EHBP1: variants seen among roughly 807,000 people sequenced by gnomAD.
The protein encoded by EHBP1 is EH domain binding protein 1, also known as EH domain-binding protein 1.
A neutral mutation model predicts 144.0 loss-of-function variants in EHBP1; 55 were observed. The observed-to-expected ratio is 0.38, with a 90% CI of 0.31 to 0.48. The LOEUF (loss-of-function observed/expected upper bound fraction) is 0.48. Ranked by LOEUF, EHBP1 falls within the 20% of genes least tolerant of loss-of-function variation. EHBP1 has a pLI of 0.98. For synonymous variants in EHBP1, 469 were observed against 472.7 expected (o/e 0.99, Z 0.10); for missense variants, 1,200 against 1,364.2 (o/e 0.88, Z 1.90).
chr2:62,804,018 T>TA (rs1328948798), intron 5 of EHBP1, among the ~76,000 whole-genome samples: 1 of 151,596 alleles, frequency 6.6e-6, no homozygotes, highest in African/African-American at 2.4e-5. Context: ...GTAAAAGACT[T>TA]AGACTACTGC....
At chr2:62,809,192 G>A (rs2044749573) in intron 5 of EHBP1, among the ~76,000 whole-genome samples, 3 of 151,128 alleles carry the variant, frequency 2.0e-5, no homozygotes, top group Non-Finnish European at 4.4e-5. Flanking sequence ...TTGGGAGGCT[G>A]AGGCAGGAGA....
intron 18 of EHBP1, among the ~76,000 whole-genome samples, chr2:62,994,487 A>G (rs1036134701): frequency 9.9e-5 from 15 of 152,122 alleles, no homozygotes; most frequent in Admixed American, 4.6e-4. Flanking sequence ...GGTTCAGCTC[A>G]GTAGGGGTAT....
intron 18 of EHBP1, 23 bp downstream of exon 18, chr2:62,994,000 T>C: frequency 6.8e-7 from 1 of 1,478,442 alleles, no homozygotes; most frequent in Non-Finnish European, 9.2e-7. Context: ...TTTGTGTGGT[T>C]TCATGATTGC....
chr2:63,031,611 C>T (rs1305666459), intron 19 of EHBP1, among the ~76,000 whole-genome samples: 1 of 152,032 alleles, frequency 6.6e-6, no homozygotes, highest in Non-Finnish European at 1.5e-5. Flanking sequence ...GATGCATCAT[C>T]ATCCATATGT....
chr2:62,976,433 A>T (rs1210387489), intron 14 of EHBP1, among the ~76,000 whole-genome samples: 3 of 152,156 alleles, frequency 2.0e-5, no homozygotes, highest in Non-Finnish European at 2.9e-5. Flanking sequence ...AGACTATTTA[A>T]TGTGGTTTAA....
At position 62,892,943 on chromosome 2, in the gene EHBP1, A is replaced by G. The variant is rs949497495; in HGVS notation, c.1185+18411A>G. Among the ~76,000 whole-genome samples, 17 of 152,288 alleles carry G rather than the reference A, an allele frequency of 1.1e-4. 1 individual carries two copies. The East Asian group carries it at 2.3e-3, about 21-fold the overall frequency. On this transcript the variant is annotated intron_variant, in intron 10 of 22. Coordinates refer to ENST00000431489, the MANE Select transcript of EHBP1 (RefSeq NM_001142616.3). The stretch of plus-strand genomic sequence containing the variant: ...ATTCCTTTTAATTTCAAAAATATGA[A>G]CTCAAACATATGTGTACTTCATTAT...
chr2:62,865,357 G>C (rs115314848), intron 9 of EHBP1, among the ~76,000 whole-genome samples: 2,184 of 152,216 alleles, frequency 0.014, 58 homozygotes, highest in African/African-American at 0.05. Flanking sequence ...ATCATTTGTG[G>C]TATTGATTTG....
At chr2:62,713,349 C>T (rs2035343670) in intron 2 of EHBP1, among the ~76,000 whole-genome samples, 1 of 150,492 alleles carries the variant, frequency 6.6e-6, no homozygotes, top group South Asian at 2.1e-4. Flanking sequence ...TCAAGTGATT[C>T]TCATGCCTCA....
intron 10 of EHBP1, among the ~76,000 whole-genome samples, chr2:62,926,586 A>G (rs1281552507): frequency 6.6e-6 from 1 of 152,174 alleles, no homozygotes; most frequent in Non-Finnish European, 1.5e-5. Flanking sequence ...TACATGTCCA[A>G]CATTACTAAT....
chr2:62,680,366 T>G (rs1209984041), intron 1 of EHBP1, among the ~76,000 whole-genome samples: 7 of 152,218 alleles, frequency 4.6e-5, no homozygotes, highest in Non-Finnish European at 5.9e-5. Flanking sequence ...AAGGAGAAAG[T>G]GAGTAGGAGT....
chr2:63,006,639 A>G (rs915381330), intron 19 of EHBP1, among the ~76,000 whole-genome samples: 1 of 151,892 alleles, frequency 6.6e-6, no homozygotes, highest in African/African-American at 2.4e-5. Context: ...TAAATTTTCC[A>G]TTTTCATTCA....
At chr2:63,021,784 T>C (rs558916066) in intron 19 of EHBP1, among the ~76,000 whole-genome samples, 2 of 151,744 alleles carry the variant, frequency 1.3e-5, no homozygotes, top group Non-Finnish European at 2.9e-5. Context: ...TTTTTTTTTT[T>C]AAAACGGAGT....
chr2:62,721,264 G>T (rs1415990087), intron 2 of EHBP1, among the ~76,000 whole-genome samples: 1 of 152,074 alleles, frequency 6.6e-6, no homozygotes, highest in Non-Finnish European at 1.5e-5. Flanking sequence ...TTAGACTGAG[G>T]TGATGGAATT....
At chr2:63,011,023 T>C (rs1338477230) in intron 19 of EHBP1, among the ~76,000 whole-genome samples, 1 of 151,468 alleles carries the variant, frequency 6.6e-6, no homozygotes, top group East Asian at 1.9e-4. Flanking sequence ...TAAATGAAAG[T>C]TTCTCTAAAT....
intron 5 of EHBP1, among the ~76,000 whole-genome samples, chr2:62,787,573 C>T (rs1487745854): frequency 6.6e-6 from 1 of 152,134 alleles, no homozygotes; most frequent in Admixed American, 6.5e-5. Context: ...TAGCACAGTG[C>T]AGCATAGTAG....
intron 2 of EHBP1, among the ~76,000 whole-genome samples, 188 bp downstream of exon 2, chr2:62,707,483 T>TA (rs146382652): frequency 0.031 from 4,692 of 152,306 alleles, 96 homozygotes; most frequent in Non-Finnish European, 0.048. Flanking sequence ...CCCTGTGGAT[T>TA]TTAATTACTG....
intron 5 of EHBP1, among the ~76,000 whole-genome samples, chr2:62,794,182 T>G (rs1234132487): frequency 6.6e-6 from 1 of 152,100 alleles, no homozygotes; most frequent in African/African-American, 2.4e-5. Flanking sequence ...ATCTTTATTT[T>G]TCTTCACTCC....
chr2:62,899,732 C>G (rs1464274123), intron 10 of EHBP1, among the ~76,000 whole-genome samples: 1 of 152,180 alleles, frequency 6.6e-6, no homozygotes, highest in Non-Finnish European at 1.5e-5. Context: ...GGACATTCTA[C>G]CTTGATTTAT....
chr2:62,754,987 C>A (rs1453741600), intron 3 of EHBP1, among the ~76,000 whole-genome samples: 1 of 152,134 alleles, frequency 6.6e-6, no homozygotes, highest in Non-Finnish European at 1.5e-5. Context: ...TGGGCTGCAC[C>A]CACTGTCCTG....
Sources: allele counts gnomAD v4.1 joint callset (sites outside exome capture counted in the v4.1 genomes callset), GRCh38; gene constraint gnomAD v4.1.1; transcripts MANE v1.5; gene names NCBI Gene and HGNC (gene_info 2026-07-23, HGNC 2026-07-21).